Variants in RAB8B observed in about 807,000 individuals in gnomAD.
The protein encoded by RAB8B is ras-related protein Rab-8B.
In RAB8B, 11 loss-of-function variants were observed where a neutral mutation model predicts 32.0. That is an observed-to-expected ratio of 0.34 (90% CI 0.22 to 0.57). The LOEUF (loss-of-function observed/expected upper bound fraction) is 0.57, where lower values mean the gene tolerates loss of function less well. Among genes scored for constraint, RAB8B ranks in the 20% least tolerant of loss-of-function variants. The pLI, the probability that RAB8B is intolerant of heterozygous loss-of-function variation, is 0.86. For synonymous variants in RAB8B, 103 were observed against 89.6 expected, an observed-to-expected ratio of 1.15 and a Z score of -0.85; for missense variants, 190 against 258.5, an observed-to-expected ratio of 0.73 and a Z score of 1.82.
intron 1 of RAB8B, among the ~76,000 whole-genome samples, chr15:63,209,160 G>A (rs2037725238): frequency 6.6e-6 from 1 of 151,874 alleles, no homozygotes; most frequent in Admixed American, 6.6e-5. Flanking sequence ...CAAAGTGCTG[G>A]GACCCACGAT....
rs1231138347 is a variant in RAB8B, at chr15:63,199,532, TA to T, written c.124+9786del. ...TGAAAAATTTGTGGGAAAAGTGAAATAATTTCTTTAACATGCACAAAATTCC... is the reference window on the plus strand; with the variant it reads ...TGAAAAATTTGTGGGAAAAGTGAAATATTTCTTTAACATGCACAAAATTCC... On this transcript the variant is annotated intron_variant, in intron 1 of 7. Transcript: ENST00000321437. Among the ~76,000 whole-genome samples, 6 of 152,292 alleles carry T rather than the reference TA, an allele frequency of 3.9e-5. No individual in the cohort carries two copies. The South Asian group carries it at 6.2e-4, about 16-fold the overall frequency.
intron 3 of RAB8B, among the ~76,000 whole-genome samples, chr15:63,252,590 G>GA (rs1233126008): frequency 1.6e-5 from 1 of 60,690 alleles, no homozygotes; most frequent in East Asian, 4.5e-4. Context: ...GGTAGAGCTA[G>GA]GGCAGTTATT....
intron 2 of RAB8B, among the ~76,000 whole-genome samples, chr15:63,245,881 T>G (rs1314904775): frequency 3.3e-5 from 5 of 151,936 alleles, no homozygotes; most frequent in Non-Finnish European, 2.9e-5. Flanking sequence ...TTTAATAAAT[T>G]TTTTTTTTGA....
intron 1 of RAB8B, among the ~76,000 whole-genome samples, chr15:63,200,896 C>T (rs1251310314): frequency 6.6e-6 from 1 of 152,196 alleles, no homozygotes; most frequent in African/African-American, 2.4e-5. Flanking sequence ...GGCATACAGT[C>T]TGGGCGTAGT....
chr15:63,218,730 A>T (rs1317486353), intron 1 of RAB8B, among the ~76,000 whole-genome samples: 2 of 152,106 alleles, frequency 1.3e-5, no homozygotes, highest in Admixed American at 1.3e-4. Context: ...ATCTCAGGTG[A>T]TACAGGAATT....
chr15:63,232,372 T>A (rs1376515484), intron 1 of RAB8B, among the ~76,000 whole-genome samples: 1 of 152,178 alleles, frequency 6.6e-6, no homozygotes, highest in East Asian at 1.9e-4. Flanking sequence ...TATTTGTATA[T>A]CTATAATGCA....
At chr15:63,209,885 T>C (rs1007241322) in intron 1 of RAB8B, among the ~76,000 whole-genome samples, 18 of 152,116 alleles carry the variant, frequency 1.2e-4, no homozygotes, top group African/African-American at 4.1e-4. Flanking sequence ...TTTCTCCTAA[T>C]GCTCTGCCTC....
intron 1 of RAB8B, among the ~76,000 whole-genome samples, chr15:63,224,568 A>T (rs1263294716): frequency 6.6e-6 from 1 of 152,180 alleles, no homozygotes; most frequent in Non-Finnish European, 1.5e-5. Context: ...AAACAGACCT[A>T]CATAGATGGG....
rs1369641603 is a variant in RAB8B at position 63,244,621 on chromosome 15, C to A, written c.125-135C>A. On this transcript the variant is annotated intron_variant, in intron 1 of 7. Transcript: ENST00000321437. ...CCAGCCTGTATTCAGAGGAAACATA[C>A]CATTCACACCCTCTCTGTGTTCACA... The A allele has an allele frequency of 8.8e-6, 6 of 678,884 alleles. No homozygotes were observed. In the East Asian group the frequency reaches 1.4e-4, roughly 16 times the overall value. The allele number at this position is 678,884 out of a possible 1,614,324, so 42.1% of individuals were successfully genotyped here.
At chr15:63,262,781 C>T in intron 7 of RAB8B, 39 bp downstream of exon 7, 1 of 1,110,906 alleles carries the variant, frequency 9.0e-7, no homozygotes, top group Non-Finnish European at 1.2e-6. Flanking sequence ...ATTATGCTGT[C>T]TGTTTGGCAT....
chr15:63,220,072 T>C (rs1226517684), intron 1 of RAB8B, among the ~76,000 whole-genome samples: 2 of 152,214 alleles, frequency 1.3e-5, no homozygotes, highest in African/African-American at 4.8e-5. Context: ...ATATGAAATA[T>C]CCAATTATTT....
At chr15:63,191,208 A>C (rs1298321738) in intron 1 of RAB8B, among the ~76,000 whole-genome samples, 1 of 152,184 alleles carries the variant, frequency 6.6e-6, no homozygotes, top group East Asian at 1.9e-4. Context: ...TTTCACCATG[A>C]ATTTCTGGGT....
At chr15:63,246,383 G>T (rs2038072524) in intron 2 of RAB8B, among the ~76,000 whole-genome samples, 1 of 152,140 alleles carries the variant, frequency 6.6e-6, no homozygotes, top group Non-Finnish European at 1.5e-5. Flanking sequence ...GCTATAAATT[G>T]GGGTTCTGAT....
At chr15:63,247,286 T>C (rs1417356082) in intron 2 of RAB8B, among the ~76,000 whole-genome samples, 2 of 152,214 alleles carry the variant, frequency 1.3e-5, no homozygotes, top group African/African-American at 4.8e-5. Context: ...CATTGAGGAT[T>C]AGGCTTCAAC....
At chr15:63,238,580 G>A (rs908213721) in intron 1 of RAB8B, among the ~76,000 whole-genome samples, 7 of 152,096 alleles carry the variant, frequency 4.6e-5, no homozygotes, top group African/African-American at 1.7e-4. Context: ...ATAGATATGA[G>A]TATACAGTTT....
chr15:63,260,951 C>T (rs1056980113), intron 6 of RAB8B, among the ~76,000 whole-genome samples: 1 of 152,064 alleles, frequency 6.6e-6, no homozygotes. Flanking sequence ...TTTTAAATAA[C>T]GTAACAGTTA....
In RAB8B at chr15:63,263,743, C is replaced by T. The variant is rs1172920958; in HGVS notation, c.*124C>T. On this transcript the variant is annotated 3_prime_UTR_variant, in exon 8 of 8. Coordinates refer to ENST00000321437, the MANE Select transcript of RAB8B (RefSeq NM_016530.3). ...TGCTGAGAGCACCACTGAACTTAGA[C>T]CTCTCAACACAGTATGCCAAGTGGA... 1.5e-6 allele frequency: 1 copy of T among 678,806 alleles called. No homozygotes were observed. Among genetic ancestry groups the T allele is most frequent in the African/African-American group, 1.8e-5 (1 of 55,354 alleles). 42.0% of individuals were successfully genotyped at this position (678,806 alleles called of 1,614,324 possible). A position where few individuals can be genotyped will look rare whatever the true frequency, so the allele number is the denominator to read the frequency against.
At chr15:63,260,187 C>T (rs977394202) in intron 6 of RAB8B, among the ~76,000 whole-genome samples, 2 of 152,172 alleles carry the variant, frequency 1.3e-5, no homozygotes, top group African/African-American at 4.8e-5. Context: ...CTAGCCTCCA[C>T]CTGGATTATA....
At chr15:63,240,283 A>G (rs1197432133) in intron 1 of RAB8B, among the ~76,000 whole-genome samples, 1 of 152,212 alleles carries the variant, frequency 6.6e-6, no homozygotes, top group Non-Finnish European at 1.5e-5. Flanking sequence ...GCTATTACAA[A>G]TAATCCATGC....
Sources: allele counts gnomAD v4.1 joint callset (sites outside exome capture counted in the v4.1 genomes callset), GRCh38; gene constraint gnomAD v4.1.1; transcripts MANE v1.5; gene names NCBI Gene and HGNC (gene_info 2026-07-23, HGNC 2026-07-21).